CCSER2: variants seen among roughly 807,000 people sequenced by gnomAD.
The protein encoded by CCSER2 is serine-rich coiled-coil domain-containing protein 2.
A neutral mutation model predicts 92.3 loss-of-function variants in CCSER2; 46 were observed. The observed-to-expected ratio is 0.50, with a 90% CI of 0.39 to 0.64. CCSER2 has a LOEUF of 0.64. CCSER2 is among the 30% of genes least tolerant of loss of function. The pLI is 0.00. For missense variants in CCSER2, 1,244 were observed against 1,238.9 expected (o/e 1.00, Z -0.06); for synonymous variants, 433 against 431.4 (o/e 1.00, Z -0.04).
At chr10:84,389,569 G>A in intron 3 of CCSER2, 2 of 225,958 alleles carry the variant, frequency 8.9e-6, no homozygotes, top group Non-Finnish European at 1.8e-5. Context: ...ACTTTACCTC[G>A]ATACACCTCA....
intron 5 of CCSER2, among the ~76,000 whole-genome samples, chr10:84,436,073 T>C (rs965684542): frequency 1.3e-5 from 2 of 152,098 alleles, no homozygotes; most frequent in Non-Finnish European, 2.9e-5. Flanking sequence ...CCGACGCCTG[T>C]AATCCCACCA....
intron 6 of CCSER2, among the ~76,000 whole-genome samples, chr10:84,459,561 T>TA (rs1334539390): frequency 2.6e-5 from 4 of 152,008 alleles, no homozygotes; most frequent in African/African-American, 9.7e-5. Flanking sequence ...CTCCTTCTGT[T>TA]ACCCAGGCTG....
Position 84,470,436 on chromosome 10 carries a change from T to C in CCSER2, c.2213T>C (p.Ile738Thr), listed in dbSNP as rs1589753808. The C allele has an allele frequency of 7.1e-7, 1 of 1,411,272 alleles. No individual in the cohort carries two copies. Among genetic ancestry groups the C allele is most frequent in the Admixed American group, 2.6e-5 (1 of 39,106 alleles). The allele number at this position is 1,411,272 out of a possible 1,614,324, so 87.4% of individuals were successfully genotyped here. A position where few individuals can be genotyped will look rare whatever the true frequency, so the allele number is the denominator to read the frequency against. The change falls in exon 8 of 10, where the codon ATC (isoleucine) becomes ACC (threonine). Residue 738 changes from isoleucine to threonine, a missense_variant. Ile to Thr is a moderately conservative substitution (Grantham distance 89). Transcript: ENST00000372088. ...KDEIKKKDEKIQLLELQLATQ... is the reference protein window; with the variant it reads ...KDEIKKKDEKTQLLELQLATQ... ...GAAATAAAGAAAAAAGATGAAAAGATCCAACTATTAGAACTTCAGCTTGTA... is the reference window on the plus strand; with the variant it reads ...GAAATAAAGAAAAAAGATGAAAAGACCCAACTATTAGAACTTCAGCTTGTA...
intron 3 of CCSER2, among the ~76,000 whole-genome samples, chr10:84,396,315 TAC>T (rs935659012): frequency 1.4e-4 from 21 of 150,864 alleles, no homozygotes; most frequent in African/African-American, 3.4e-4. Context: ...CTATATTATA[TAC>T]ACACAGTTTC....
At chr10:84,490,234 C>G (rs920807781) in intron 9 of CCSER2, among the ~76,000 whole-genome samples, 1 of 152,114 alleles carries the variant, frequency 6.6e-6, no homozygotes, top group Non-Finnish European at 1.5e-5. Context: ...TTGCTCTTCT[C>G]GAGGATTATC....
rs192073354 is a variant in CCSER2, at chr10:84,352,038, C to T, written c.-39-18976C>T. ...CTTGTAGGCTGGCCGCGGTGGCTCACGCCTGTAATCCCAGCACTTTGGGAG... is the reference window on the plus strand; with the variant it reads ...CTTGTAGGCTGGCCGCGGTGGCTCATGCCTGTAATCCCAGCACTTTGGGAG... On this transcript the variant is annotated intron_variant, in intron 1 of 9. Coordinates refer to ENST00000372088, the MANE Select transcript of CCSER2 (RefSeq NM_001284240.2). Among the ~76,000 whole-genome samples the T allele has an allele frequency of 3.7e-3, 559 of 152,262 alleles. 4 individuals carry two copies. The highest frequency in any genetic ancestry group is 4.8e-3 in the Non-Finnish European group (329 of 68,032).
chr10:84,501,561 G>A (rs964269107), intron 9 of CCSER2, among the ~76,000 whole-genome samples: 6 of 151,798 alleles, frequency 4.0e-5, no homozygotes, highest in South Asian at 2.1e-4. Flanking sequence ...TGGTTTATTT[G>A]TATAGCATTA....
intron 1 of CCSER2, among the ~76,000 whole-genome samples, chr10:84,349,216 T>G (rs1025788968): frequency 3.3e-5 from 5 of 152,222 alleles, no homozygotes; most frequent in African/African-American, 1.2e-4. Flanking sequence ...TTGATCCACA[T>G]CCATGCCTCC....
Position 84,371,216 on chromosome 10 carries a change from G to T in CCSER2, c.164G>T (p.Gly55Val), listed in dbSNP as rs775529772. 1.2e-6 allele frequency: 2 copies of T among 1,613,058 alleles called. No homozygotes were observed. Among genetic ancestry groups the T allele is most frequent in the East Asian group, 4.5e-5 (2 of 44,820 alleles). Reference sequence around the variant, plus strand: ...GTCAAAAGTTACATCAAAAATAATGGCTCTGATTGTCCATCATCTCATTCA... The same window carrying T: ...GTCAAAAGTTACATCAAAAATAATGTCTCTGATTGTCCATCATCTCATTCA... Reference protein sequence around the residue: ...SNVKSYIKNNGSDCPSSHSFN... With the variant: ...SNVKSYIKNNVSDCPSSHSFN... The change falls in exon 2 of 10, where the codon GGC becomes GTC. Residue 55 changes from glycine (G) to valine (V), a missense_variant. By Grantham distance (109) the Gly-to-Val change is moderately radical. Transcript: ENST00000372088.
rs151167175 is a variant in CCSER2, at chr10:84,496,889, A to G, written c.2326-16560A>G. ...CCTTTCAGAATATTGTGTTTTATAT[A>G]TAGTGCCCAGGGTTTTTAGCTGTAT... On this transcript the variant is annotated intron_variant, in intron 9 of 9. Transcript: ENST00000372088. Among the ~76,000 whole-genome samples the G allele has an allele frequency of 3.9e-3, 598 of 152,256 alleles. 1 individual carries two copies. Among genetic ancestry groups the G allele is most frequent in the Non-Finnish European group, 5.8e-3 (392 of 68,016 alleles).
intron 8 of CCSER2, among the ~76,000 whole-genome samples, chr10:84,477,363 A>T (rs541220569): frequency 6.6e-6 from 1 of 152,096 alleles, no homozygotes; most frequent in African/African-American, 2.4e-5. Flanking sequence ...AGCCAGAACT[A>T]TTTTGCCATG....
intron 7 of CCSER2, among the ~76,000 whole-genome samples, 157 bp downstream of exon 7, chr10:84,464,173 G>A (rs1352929423): frequency 6.6e-6 from 1 of 152,148 alleles, no homozygotes; most frequent in Non-Finnish European, 1.5e-5. Flanking sequence ...TGATATCTCT[G>A]TGGTGCTTTA....
intron 9 of CCSER2, among the ~76,000 whole-genome samples, chr10:84,496,518 C>G (rs940070269): frequency 6.6e-6 from 1 of 152,046 alleles, no homozygotes; most frequent in Non-Finnish European, 1.5e-5. Context: ...ATCTCCTGAC[C>G]TCGTGATCTG....
chr10:84,471,777 T>A (rs1846816659), intron 8 of CCSER2, among the ~76,000 whole-genome samples: 1 of 150,268 alleles, frequency 6.7e-6, no homozygotes, highest in Non-Finnish European at 1.5e-5. Context: ...TTGGGATTTG[T>A]TTGGATTTAT....
chr10:84,484,458 C>T (rs1348163573), intron 9 of CCSER2, among the ~76,000 whole-genome samples: 3 of 150,906 alleles, frequency 2.0e-5, no homozygotes, highest in Non-Finnish European at 1.5e-5. Context: ...ATTTATTTCT[C>T]TGGAGAGACG....
At chr10:84,458,891 T>C (rs1845932830) in intron 6 of CCSER2, among the ~76,000 whole-genome samples, 1 of 152,206 alleles carries the variant, frequency 6.6e-6, no homozygotes, top group African/African-American at 2.4e-5. Flanking sequence ...GGATTTTGCT[T>C]TATCATAAAT....
chr10:84,376,618 C>T (rs1362649095), intron 3 of CCSER2, among the ~76,000 whole-genome samples: 9 of 151,954 alleles, frequency 5.9e-5, no homozygotes, highest in Admixed American at 1.3e-4. Flanking sequence ...AGGTTGGTTC[C>T]AGTTTCTGGC....
intron 6 of CCSER2, among the ~76,000 whole-genome samples, chr10:84,445,799 G>C (rs924978370): frequency 3.9e-5 from 6 of 152,118 alleles, no homozygotes; most frequent in Non-Finnish European, 5.9e-5. Context: ...TCTCATTGCT[G>C]TAGAGTATTC....
rs753359820 is a variant in CCSER2 at position 84,438,556 on chromosome 10, A to G, written c.1913A>G (p.Tyr638Cys). Residue 638 changes from tyrosine (Y) to cysteine (C), a missense_variant, in exon 6 of 10, where the codon TAT becomes TGT. By Grantham distance (194) the Tyr-to-Cys change is radical. Coordinates refer to ENST00000372088, the MANE Select transcript of CCSER2 (RefSeq NM_001284240.2). ...RESPLGHFES[Y>C]GGMPFFQAQK... ...TCTCCTTTGGGTCATTTTGAAAGCT[A>G]TGGAGGGATGCCCTTTTTCCAGGCT... 2.4e-5 allele frequency: 38 copies of G among 1,613,446 alleles called. No individual in the cohort carries two copies. Among genetic ancestry groups the G allele is most frequent in the African/African-American group, 2.7e-5 (2 of 74,876 alleles).
Sources: gnomAD v4.1 joint callset for allele counts (sites outside exome capture counted in the v4.1 genomes callset) on GRCh38, gnomAD v4.1.1 for gene constraint, MANE v1.5 for transcripts, NCBI Gene and HGNC (gene_info 2026-07-23, HGNC 2026-07-21) for gene names.